ARHGAP26: variants seen among roughly 807,000 people sequenced by gnomAD.
ARHGAP26 encodes the protein rho GTPase-activating protein 26.
Under a neutral mutation model 104.8 loss-of-function variants are expected in ARHGAP26, and 38 were observed. The ratio of observed to expected loss-of-function variants is 0.36; its 90% confidence interval spans 0.28 to 0.48. The LOEUF is 0.48. Among genes scored for constraint, ARHGAP26 ranks in the 20% least tolerant of loss-of-function variants. ARHGAP26 has a pLI of 0.99. For synonymous variants in ARHGAP26, 341 were observed against 340.0 expected, an observed-to-expected ratio of 1.00 and a Z score of -0.03; for missense variants, 704 against 947.9, an observed-to-expected ratio of 0.74 and a Z score of 3.38.
chr5:143,021,036 G>A (rs1044165728), intron 12 of ARHGAP26, among the ~76,000 whole-genome samples: 1 of 152,214 alleles, frequency 6.6e-6, no homozygotes, highest in Non-Finnish European at 1.5e-5. Context: ...GGGAGGTGGG[G>A]AGAAGAGCAG....
At chr5:143,103,104 A>T in intron 17 of ARHGAP26, 1 of 257,018 alleles carries the variant, frequency 3.9e-6, no homozygotes, top group Non-Finnish European at 6.1e-6. Context: ...GAGCTTTATT[A>T]AATTTTTAAA....
intron 20 of ARHGAP26, among the ~76,000 whole-genome samples, chr5:143,172,662 C>G (rs1195062027): frequency 6.6e-6 from 1 of 152,112 alleles, no homozygotes; most frequent in Non-Finnish European, 1.5e-5. Flanking sequence ...TGATATTAAG[C>G]TGAAGTATTG....
At chr5:142,910,307 T>C (rs1005896489) in intron 9 of ARHGAP26, among the ~76,000 whole-genome samples, 1 of 152,218 alleles carries the variant, frequency 6.6e-6, no homozygotes, top group Non-Finnish European at 1.5e-5. Context: ...CTCCTGATTC[T>C]GAACTCATTA....
chr5:143,098,939 A>G (rs1369070025), intron 17 of ARHGAP26, among the ~76,000 whole-genome samples: 1 of 152,252 alleles, frequency 6.6e-6, no homozygotes, highest in African/African-American at 2.4e-5. Flanking sequence ...TCAAAGGTCT[A>G]TGAGGCTACC....
chr5:143,086,349 T>A (rs1316860011), intron 17 of ARHGAP26, among the ~76,000 whole-genome samples: 4 of 150,392 alleles, frequency 2.7e-5, no homozygotes, highest in African/African-American at 1.0e-4. Context: ...CCTCCATCTT[T>A]ATTTTTAGAG....
At position 143,166,719 on chromosome 5, in the gene ARHGAP26, G is replaced by A. The variant is rs3776246; in HGVS notation, c.1988+19338G>A. Among the ~76,000 whole-genome samples, 263 of 152,242 alleles carry A rather than the reference G, an allele frequency of 1.7e-3. 7 individuals are homozygous for A. The East Asian group carries it at 0.045, about 26-fold the overall frequency. On this transcript the variant is annotated intron_variant, in intron 20 of 22. Coordinates refer to ENST00000645722, the MANE Select transcript of ARHGAP26 (RefSeq NM_001135608.3). ...TATGGACTGGAGACCTTGAGGCAGG[G>A]GATTCTACAGTTTAATCATCTGTAG...
At chr5:142,977,588 C>T (rs374163302) in intron 11 of ARHGAP26, among the ~76,000 whole-genome samples, 2 of 151,952 alleles carry the variant, frequency 1.3e-5, no homozygotes, top group African/African-American at 4.8e-5. Context: ...CCAGTCTTTG[C>T]GTTGAACTCA....
At chr5:142,983,536 G>A (rs1235083257) in intron 11 of ARHGAP26, among the ~76,000 whole-genome samples, 1 of 152,172 alleles carries the variant, frequency 6.6e-6, no homozygotes, top group Non-Finnish European at 1.5e-5. Flanking sequence ...TTTCAAAATG[G>A]TCTGAGAAAT....
At chr5:143,084,069 T>A (rs1441267100) in intron 17 of ARHGAP26, among the ~76,000 whole-genome samples, 1 of 152,154 alleles carries the variant, frequency 6.6e-6, no homozygotes, top group East Asian at 1.9e-4. Context: ...CACCAGCTCA[T>A]CCGGATGCAT....
chr5:143,117,679 A>G (rs1485511204), intron 17 of ARHGAP26, among the ~76,000 whole-genome samples: 1 of 152,230 alleles, frequency 6.6e-6, no homozygotes, highest in Non-Finnish European at 1.5e-5. Flanking sequence ...TCCAGAATTA[A>G]TATACCTTTT....
chr5:142,812,927 C>CT (rs894875979), intron 1 of ARHGAP26, among the ~76,000 whole-genome samples: 15 of 146,328 alleles, frequency 1.0e-4, no homozygotes, highest in Admixed American at 2.7e-4. Context: ...ATTTCTTTTT[C>CT]TTTTTTTTTC....
At chr5:143,131,691 G>A (rs549052148) in intron 18 of ARHGAP26, among the ~76,000 whole-genome samples, 1 of 152,198 alleles carries the variant, frequency 6.6e-6, no homozygotes, top group Admixed American at 6.5e-5. Flanking sequence ...CTCCTGCTTA[G>A]CTGTGTGGCA....
At chr5:142,943,056 C>T (rs1460276560) in intron 11 of ARHGAP26, among the ~76,000 whole-genome samples, 2 of 152,198 alleles carry the variant, frequency 1.3e-5, no homozygotes, top group African/African-American at 4.8e-5. Context: ...TCTGGGATTA[C>T]AGGCGTGAGC....
intron 11 of ARHGAP26, among the ~76,000 whole-genome samples, chr5:142,963,194 A>ATGTGTG (rs1375363062): frequency 2.5e-4 from 26 of 102,678 alleles, no homozygotes; most frequent in African/African-American, 1.5e-3. Flanking sequence ...ATATATATAT[A>ATGTGTG]TATATGTGTG....
chr5:142,977,706 G>A (rs1375697786), intron 11 of ARHGAP26, among the ~76,000 whole-genome samples: 3 of 152,230 alleles, frequency 2.0e-5, no homozygotes, highest in Non-Finnish European at 4.4e-5. Flanking sequence ...ATGGAAGGTG[G>A]TAGGGAGAGG....
At chr5:142,875,230 G>A in intron 3 of ARHGAP26, 59 bp downstream of exon 3, 1 of 1,510,534 alleles carries the variant, frequency 6.6e-7, no homozygotes. Flanking sequence ...AGGGAGCAAG[G>A]GATGGGTATC....
intron 11 of ARHGAP26, among the ~76,000 whole-genome samples, chr5:143,005,997 G>T (rs981325314): frequency 6.6e-6 from 1 of 152,150 alleles, no homozygotes; most frequent in African/African-American, 2.4e-5. Flanking sequence ...GGTACCATAG[G>T]CTTCAAAACT....
intron 1 of ARHGAP26, among the ~76,000 whole-genome samples, chr5:142,799,689 G>A (rs1761682470): frequency 6.6e-6 from 1 of 152,194 alleles, no homozygotes; most frequent in African/African-American, 2.4e-5. Flanking sequence ...TGCTTTCTGT[G>A]TCATCCCATG....
chr5:142,916,631 A>AC (rs1762521941), intron 10 of ARHGAP26, among the ~76,000 whole-genome samples: 1 of 152,204 alleles, frequency 6.6e-6, no homozygotes, highest in Non-Finnish European at 1.5e-5. Context: ...ACAAAACAAA[A>AC]AAAAATTCAG....
Sources: allele counts gnomAD v4.1 joint callset (sites outside exome capture counted in the v4.1 genomes callset), GRCh38; gene constraint gnomAD v4.1.1; transcripts MANE v1.5; gene names NCBI Gene and HGNC (gene_info 2026-07-23, HGNC 2026-07-21).